BAALC: variants seen among roughly 807,000 people sequenced by gnomAD.
The protein encoded by BAALC is brain and acute leukemia cytoplasmic protein.
In BAALC, 9 loss-of-function variants were observed where a neutral mutation model predicts 15.5. The observed-to-expected ratio is 0.58, with a 90% CI of 0.35 to 1.02. BAALC has a LOEUF of 1.02. Among genes scored for constraint, BAALC ranks in the 50% least tolerant of loss-of-function variants. BAALC has a pLI of 0.02. For missense variants in BAALC, 201 were observed against 192.4 expected (o/e 1.04, Z -0.27); for synonymous variants, 80 against 74.6 (o/e 1.07, Z -0.37).
intron 1 of BAALC, among the ~76,000 whole-genome samples, chr8:103,151,538 C>G (rs1276311700): frequency 2.0e-5 from 3 of 152,162 alleles, no homozygotes; most frequent in Non-Finnish European, 4.4e-5. Context: ...CAATCTCAAA[C>G]CTTGGGTCAC....
chr8:103,187,903 G>A (rs908462856), intron 1 of BAALC, among the ~76,000 whole-genome samples: 1 of 152,168 alleles, frequency 6.6e-6, no homozygotes, highest in Non-Finnish European at 1.5e-5. Flanking sequence ...GTGACTTAGT[G>A]TCCAAGGAGT....
chr8:103,227,179 G>A (rs1216379644), intron 2 of BAALC, among the ~76,000 whole-genome samples: 7 of 152,102 alleles, frequency 4.6e-5, no homozygotes, highest in South Asian at 4.1e-4. Flanking sequence ...GTGTGTGTGC[G>A]TGTATGTGTG....
intron 1 of BAALC, among the ~76,000 whole-genome samples, chr8:103,149,815 T>C (rs1178245657): frequency 6.6e-6 from 1 of 152,148 alleles, no homozygotes; most frequent in Non-Finnish European, 1.5e-5. Context: ...TTCAGGCAAA[T>C]TACATACCAG....
intron 1 of BAALC, among the ~76,000 whole-genome samples, chr8:103,173,847 T>C (rs983047841): frequency 2.0e-5 from 3 of 152,218 alleles, no homozygotes; most frequent in African/African-American, 7.2e-5. Flanking sequence ...CTAGCAACAC[T>C]GGTGCCAGAA....
chr8:103,212,865 G>A (rs1052976332), intron 1 of BAALC, 54 bp from the exon 2 acceptor site: 1 of 1,524,174 alleles, frequency 6.6e-7, no homozygotes, highest in Non-Finnish European at 8.8e-7. Flanking sequence ...GGGATTGTTT[G>A]CAACATCTGC....
intron 1 of BAALC, among the ~76,000 whole-genome samples, chr8:103,171,519 T>G (rs550620620): frequency 1.1e-3 from 175 of 152,298 alleles, no homozygotes; most frequent in African/African-American, 4.0e-3. Flanking sequence ...TGACCTGAAC[T>G]CTGGAAAATC....
intron 1 of BAALC, among the ~76,000 whole-genome samples, chr8:103,141,998 CTACTTAT>C (rs771581397): frequency 6.6e-6 from 1 of 152,194 alleles, no homozygotes; most frequent in Non-Finnish European, 1.5e-5. Flanking sequence ...AAAAATCTCA[CTACTTAT>C]TACATGGATG....
intron 1 of BAALC, among the ~76,000 whole-genome samples, chr8:103,209,166 G>A (rs2130056134): frequency 6.6e-6 from 1 of 152,274 alleles, no homozygotes; most frequent in South Asian, 2.1e-4. Flanking sequence ...GAGGCCAGGA[G>A]TTTGAGACCA....
chr8:103,200,189 G>C (rs1475973283), intron 1 of BAALC, among the ~76,000 whole-genome samples: 1 of 152,088 alleles, frequency 6.6e-6, no homozygotes, highest in East Asian at 1.9e-4. Flanking sequence ...TTATTAAAGG[G>C]TCAAAAAATA....
At chr8:103,212,237 G>A (rs530139895) in intron 1 of BAALC, among the ~76,000 whole-genome samples, 2 of 152,236 alleles carry the variant, frequency 1.3e-5, no homozygotes, top group Admixed American at 6.5e-5. Context: ...TCAAGGCCAG[G>A]AGTTCAAGAC....
chr8:103,156,551 C>T (rs1012125547), intron 1 of BAALC, among the ~76,000 whole-genome samples: 2 of 152,160 alleles, frequency 1.3e-5, no homozygotes, highest in African/African-American at 4.8e-5. Flanking sequence ...GAGTTGGGTG[C>T]AGCTACCATG....
Position 103,177,193 on chromosome 8 carries a change from G to GTTT in BAALC, c.161-35715_161-35713dup, listed in dbSNP as rs67361726. On this transcript the variant is annotated intron_variant, in intron 1 of 2. Transcript: ENST00000309982. ...TTGTTGTTGTTGTTGTTGTTGTTTT[G>GTTT]TTTTTTTTTTTTTGAGACAAGATCT... 3.7e-4 allele frequency among the ~76,000 whole-genome samples: 54 copies of GTTT among 145,490 alleles called. 1 individual carries two copies. The highest frequency in any genetic ancestry group is 1.0e-3 in the East Asian group (5 of 4,866).
intron 1 of BAALC, among the ~76,000 whole-genome samples, chr8:103,177,188 G>GTT (rs1403033709): frequency 2.3e-5 from 2 of 86,576 alleles, no homozygotes; most frequent in Admixed American, 1.0e-4. Context: ...TGTTGTTGTT[G>GTT]TTTTGTTTTT....
intron 1 of BAALC, among the ~76,000 whole-genome samples, chr8:103,152,224 C>T (rs1811002409): frequency 6.6e-6 from 1 of 152,098 alleles, no homozygotes; most frequent in African/African-American, 2.4e-5. Context: ...TGACGAGGTC[C>T]CTGCTGATTT....
chr8:103,207,895 A>G (rs28615644), intron 1 of BAALC, among the ~76,000 whole-genome samples: 12,760 of 152,330 alleles, frequency 0.084, 583 homozygotes, highest in African/African-American at 0.11. Flanking sequence ...AATAAAATCC[A>G]TGCAGCAAAA....
chr8:103,189,508 G>T (rs147117972), intron 1 of BAALC, among the ~76,000 whole-genome samples: 23 of 151,400 alleles, frequency 1.5e-4, no homozygotes, highest in Admixed American at 2.6e-4. Context: ...AGCCCAGCTG[G>T]GGGGAGAAAA....
chr8:103,188,330 A>C (rs1033431440), intron 1 of BAALC, among the ~76,000 whole-genome samples: 1 of 152,116 alleles, frequency 6.6e-6, no homozygotes, highest in African/African-American at 2.4e-5. Flanking sequence ...CCCCTGAACC[A>C]CATAGTCTAC....
At chr8:103,218,899 G>C (rs1027143169) in intron 2 of BAALC, among the ~76,000 whole-genome samples, 6 of 152,168 alleles carry the variant, frequency 3.9e-5, no homozygotes, top group African/African-American at 1.4e-4. Flanking sequence ...GATCAAGACA[G>C]GAGGTTAGGA....
chr8:103,228,147 C>A lies in BAALC; in HGVS notation c.*48C>A. The A allele has an allele frequency of 1.6e-6, 2 of 1,269,588 alleles. No homozygotes were observed. The highest frequency in any genetic ancestry group is 2.3e-6 in the Non-Finnish European group (2 of 873,236). 78.6% of individuals were successfully genotyped at this position (1,269,588 alleles called of 1,614,324 possible). A position where few individuals can be genotyped will look rare whatever the true frequency, so the allele number is the denominator to read the frequency against. ...AGATGGACTTCTTCAGTGTCCTTCA[C>A]GGCACTGGATCCCATCAAAGAACCT... is the stretch of plus-strand genomic sequence containing the variant. On this transcript the variant is annotated 3_prime_UTR_variant, in exon 3 of 3. Transcript: ENST00000309982.
Sources: allele counts gnomAD v4.1 joint callset (sites outside exome capture counted in the v4.1 genomes callset), GRCh38; gene constraint gnomAD v4.1.1; transcripts MANE v1.5; gene names NCBI Gene and HGNC (gene_info 2026-07-23, HGNC 2026-07-21).